The following RBFOX1 variants were observed in gnomAD, a reference collection of about 807,000 sequenced individuals.
RBFOX1 encodes RNA binding fox-1 homolog 1, also known as RNA binding protein fox-1 homolog 1.
RBFOX1 carries 8 observed loss-of-function variants against 57.7 expected under a neutral mutation model. The ratio of observed to expected loss-of-function variants is 0.14; its 90% CI spans 0.08 to 0.25. The LOEUF is 0.25. RBFOX1 is among the 10% of genes least tolerant of loss of function. RBFOX1 has a pLI of 1.00. For missense variants in RBFOX1, 611 were observed against 548.5 expected, an observed-to-expected ratio of 1.11 and a Z score of -1.14; for synonymous variants, 326 against 222.4, an observed-to-expected ratio of 1.47 and a Z score of -4.15.
intron 4 of RBFOX1, among the ~76,000 whole-genome samples, chr16:7,476,739 G>T (rs986072078): frequency 2.0e-5 from 3 of 152,120 alleles, no homozygotes; most frequent in African/African-American, 7.2e-5. Context: ...CTGTATCCTT[G>T]CAAATCTGTA....
chr16:6,300,536 A>C (rs987897717), intron 1 of RBFOX1, among the ~76,000 whole-genome samples: 1 of 152,184 alleles, frequency 6.6e-6, no homozygotes, highest in African/African-American at 2.4e-5. Flanking sequence ...GTACATATAA[A>C]GTATTTAGCG....
chr16:6,253,758 T>G (rs573120023), intron 1 of RBFOX1, among the ~76,000 whole-genome samples: 1 of 151,426 alleles, frequency 6.6e-6, no homozygotes, highest in East Asian at 1.9e-4. Context: ...CTATATAAAT[T>G]TGGAATTCAA....
At chr16:5,267,321 A>G (rs1352818958) in intron 1 of RBFOX1, among the ~76,000 whole-genome samples, 2 of 147,624 alleles carry the variant, frequency 1.4e-5, no homozygotes, top group Non-Finnish European at 3.0e-5. Context: ...TTCTTTTGAG[A>G]CAGTCTTGCT....
At chr16:5,611,664 ACT>A (rs2047791970) in intron 3 of RBFOX1, among the ~76,000 whole-genome samples, 4 of 149,270 alleles carry the variant, frequency 2.7e-5, no homozygotes, top group African/African-American at 7.4e-5. Flanking sequence ...CCCTCCATCT[ACT>A]CTCTCATCCA....
chr16:6,268,036 T>C lies in RBFOX1; in HGVS notation c.-126-48959T>C, dbSNP rs1043379803. 5.9e-5 allele frequency among the ~76,000 whole-genome samples: 9 copies of C among 152,330 alleles called. No homozygotes were observed. In the East Asian group the frequency reaches 9.7e-4, roughly 16 times the overall value. ...TAAATTCTCATAAAGAGCCTATTAA[T>C]ATTAAAATTGCTTCACTCTTGGGCT... is the stretch of plus-strand genomic sequence containing the variant. On this transcript the variant is annotated intron_variant, in intron 1 of 15. Transcript: ENST00000550418.
chr16:5,304,842 C>T (rs2063894320), intron 1 of RBFOX1, among the ~76,000 whole-genome samples: 1 of 151,978 alleles, frequency 6.6e-6, no homozygotes, highest in Admixed American at 6.6e-5. Flanking sequence ...GATTTTTTTC[C>T]CCCAAAACAA....
At chr16:5,778,160 T>A (rs1451268474) in intron 3 of RBFOX1, among the ~76,000 whole-genome samples, 1 of 151,966 alleles carries the variant, frequency 6.6e-6, no homozygotes, top group Non-Finnish European at 1.5e-5. Flanking sequence ...TGTAGAAGGA[T>A]AAATTGGGGA....
At chr16:5,986,093 G>C (rs995382930) in intron 4 of RBFOX1, among the ~76,000 whole-genome samples, 1 of 147,026 alleles carries the variant, frequency 6.8e-6, no homozygotes, top group Non-Finnish European at 1.5e-5. Flanking sequence ...ACAGGGTCTC[G>C]CTCTTGTTAC....
chr16:5,830,462 A>G (rs538379036), intron 3 of RBFOX1, among the ~76,000 whole-genome samples: 2 of 152,204 alleles, frequency 1.3e-5, no homozygotes, highest in Non-Finnish European at 2.9e-5. Flanking sequence ...ACTGAGGGAA[A>G]GAGGATTGTA....
chr16:7,186,097 T>C (rs887226621), intron 4 of RBFOX1, among the ~76,000 whole-genome samples: 1 of 152,052 alleles, frequency 6.6e-6, no homozygotes, highest in Non-Finnish European at 1.5e-5. Flanking sequence ...TTGTCACTGG[T>C]ATTTAATTGC....
chr16:5,906,800 T>A (rs564448887), intron 4 of RBFOX1, among the ~76,000 whole-genome samples: 382 of 147,912 alleles, frequency 2.6e-3, no homozygotes, highest in African/African-American at 9.2e-3. Context: ...AGTGACGCTT[T>A]CTTGGCTCAC....
chr16:6,049,102 G>T lies in RBFOX1; in HGVS notation c.-127+29110G>T, dbSNP rs541936286. 2.4e-5 allele frequency among the ~76,000 whole-genome samples: 3 copies of T among 125,990 alleles called. No homozygotes were observed. In the South Asian group the frequency reaches 7.5e-4, roughly 32 times the overall value. The allele number at this position is 125,990 out of a possible 152,430, so 82.7% of individuals were successfully genotyped here. On this transcript the variant is annotated intron_variant, in intron 1 of 15. Coordinates refer to ENST00000550418, the MANE Select transcript of RBFOX1 (RefSeq NM_018723.4). ...TTTTTTGAGACAGTCTCACTCTGTCGCCCAGGCTGGAGTGCAATGGCATGA... is the reference window on the plus strand; with the variant it reads ...TTTTTTGAGACAGTCTCACTCTGTCTCCCAGGCTGGAGTGCAATGGCATGA...
At position 7,598,770 on chromosome 16, in the gene RBFOX1, A is replaced by G. The variant is rs530505810; in HGVS notation, c.622+1339A>G. Among the ~76,000 whole-genome samples, 179 of 152,318 alleles carry G rather than the reference A, an allele frequency of 1.2e-3. 1 individual carries two copies. The highest frequency in any genetic ancestry group is 1.9e-3 in the Non-Finnish European group (129 of 68,022). ...TAATAAATCTATATAGAGTTCCTTT[A>G]ATTTAATATATACAGATTAGACTAA... On this transcript the variant is annotated intron_variant, in intron 9 of 15. Transcript: ENST00000550418.
chr16:5,345,665 T>G (rs907721693), intron 1 of RBFOX1, among the ~76,000 whole-genome samples: 2 of 152,208 alleles, frequency 1.3e-5, no homozygotes, highest in African/African-American at 4.8e-5. Context: ...AGGAGCCACT[T>G]GCTGAGCAGA....
intron 3 of RBFOX1, among the ~76,000 whole-genome samples, chr16:6,967,958 C>G (rs959975171): frequency 2.6e-5 from 4 of 152,168 alleles, no homozygotes; most frequent in African/African-American, 7.2e-5. Context: ...GATAAAAACG[C>G]TCGGGGAGAG....
At chr16:7,129,753 AC>A (rs1035458462) in intron 4 of RBFOX1, among the ~76,000 whole-genome samples, 1 of 150,180 alleles carries the variant, frequency 6.7e-6, no homozygotes, top group African/African-American at 2.4e-5. Flanking sequence ...GTACCAGGAG[AC>A]ACGACAACTC....
At chr16:5,848,417 G>C (rs1477894568) in intron 3 of RBFOX1, among the ~76,000 whole-genome samples, 4 of 152,248 alleles carry the variant, frequency 2.6e-5, no homozygotes, top group Non-Finnish European at 4.4e-5. Context: ...ACAACATCTG[G>C]AATCAGAAAA....
intron 3 of RBFOX1, among the ~76,000 whole-genome samples, chr16:5,689,759 C>T (rs1352522806): frequency 6.7e-6 from 1 of 149,276 alleles, no homozygotes; most frequent in Non-Finnish European, 1.5e-5. Context: ...ACAACAGGGA[C>T]AAGATCTTTG....
chr16:6,637,678 T>C (rs145270207), intron 2 of RBFOX1, among the ~76,000 whole-genome samples: 288 of 150,292 alleles, frequency 1.9e-3, no homozygotes, highest in African/African-American at 6.4e-3. Flanking sequence ...GGGAGCCAGA[T>C]GATGAAGTGG....
Sources: gnomAD v4.1 joint callset for allele counts (sites outside exome capture counted in the v4.1 genomes callset) on GRCh38, gnomAD v4.1.1 for gene constraint, MANE v1.5 for transcripts, NCBI Gene and HGNC (gene_info 2026-07-23, HGNC 2026-07-21) for gene names.